RIMBP2: variants seen among roughly 807,000 people sequenced by gnomAD.
The protein encoded by RIMBP2 is RIMS-binding protein 2.
A neutral mutation model predicts 118.6 loss-of-function variants in RIMBP2; 48 were observed. That is an observed-to-expected ratio of 0.40 (90% CI 0.32 to 0.51). The LOEUF (loss-of-function observed/expected upper bound fraction) is 0.51. Ranked by LOEUF, RIMBP2 falls within the 20% of genes least tolerant of loss-of-function variation. RIMBP2 has a pLI of 0.41. For synonymous variants in RIMBP2, 762 were observed against 742.9 expected, an observed-to-expected ratio of 1.03 and a Z score of -0.42; for missense variants, 1,551 against 1,768.3, an observed-to-expected ratio of 0.88 and a Z score of 2.20.
rs187431469 is a variant in RIMBP2 at position 130,434,558 on chromosome 12, G to A, written c.2253+176C>T. Among the ~76,000 whole-genome samples the A allele has an allele frequency of 4.6e-3, 694 of 152,264 alleles. 9 individuals are homozygous for A. The highest frequency in any genetic ancestry group is 0.016 in the African/African-American group (664 of 41,558). ...TTATCCCCAATGAGGGTATGTGACAGGCATTAAATATAAACTTCAGAAACC... is the reference window on the plus strand; with the variant it reads ...TTATCCCCAATGAGGGTATGTGACAAGCATTAAATATAAACTTCAGAAACC... On this transcript the variant is annotated intron_variant, in intron 14 of 22. Coordinates refer to ENST00000690449, the MANE Select transcript of RIMBP2 (RefSeq NM_001393629.1). The surrounding 1 kb of genome is among the most constrained non-coding windows in gnomAD (Gnocchi z 5.7).
intron 1 of RIMBP2, among the ~76,000 whole-genome samples, chr12:130,631,338 A>C (rs1195336779): frequency 1.3e-5 from 2 of 152,236 alleles, no homozygotes; most frequent in Admixed American, 1.3e-4. Context: ...TCACTTAAAT[A>C]AAGTAGCAAT....
At chr12:130,440,577 C>T (rs1264565770) in intron 11 of RIMBP2, among the ~76,000 whole-genome samples, 2 of 152,204 alleles carry the variant, frequency 1.3e-5, no homozygotes, top group Non-Finnish European at 2.9e-5. Context: ...TGACTCCCCA[C>T]GGAGTGCCCG....
chr12:130,461,501 C>T (rs550439846), intron 6 of RIMBP2, among the ~76,000 whole-genome samples: 2 of 152,282 alleles, frequency 1.3e-5, no homozygotes, highest in South Asian at 4.1e-4. Context: ...TTGTCCCCTC[C>T]ACATCTCATG....
chr12:130,594,663 G>A (rs922830015), intron 2 of RIMBP2, among the ~76,000 whole-genome samples: 1 of 152,182 alleles, frequency 6.6e-6, no homozygotes, highest in Non-Finnish European at 1.5e-5. Context: ...ATGGGTAATG[G>A]GTTGGACAAG....
intron 3 of RIMBP2, among the ~76,000 whole-genome samples, chr12:130,512,036 C>G (rs1337334078): frequency 6.6e-6 from 1 of 152,216 alleles, no homozygotes; most frequent in African/African-American, 2.4e-5. Flanking sequence ...GGGGCGTTCT[C>G]TAATTCAGCA....
At chr12:130,693,169 C>T (rs1343110231) in intron 1 of RIMBP2, among the ~76,000 whole-genome samples, 1 of 152,144 alleles carries the variant, frequency 6.6e-6, no homozygotes. Flanking sequence ...ACTCGTCTGT[C>T]TCCCCACCGT....
chr12:130,532,710 TACGTCTA>T (rs2053581092), intron 2 of RIMBP2, among the ~76,000 whole-genome samples: 1 of 114,850 alleles, frequency 8.7e-6, no homozygotes. Context: ...CTCTAGGAGT[TACGTCTA>T]ATGAGATGTG....
At chr12:130,538,577 G>A (rs919732798) in intron 2 of RIMBP2, among the ~76,000 whole-genome samples, 10 of 152,094 alleles carry the variant, frequency 6.6e-5, no homozygotes, top group Non-Finnish European at 1.0e-4. Context: ...CTCCCTCCCC[G>A]TGCCACCCTG....
chr12:130,568,729 CCA>C (rs1218786301), intron 2 of RIMBP2, among the ~76,000 whole-genome samples: 4 of 152,144 alleles, frequency 2.6e-5, no homozygotes, highest in African/African-American at 9.7e-5. Flanking sequence ...GTCCCCAATC[CCA>C]CAGTCATGTT....
intron 4 of RIMBP2, among the ~76,000 whole-genome samples, chr12:130,481,555 C>T (rs2082012768): frequency 6.6e-6 from 1 of 152,206 alleles, no homozygotes; most frequent in Non-Finnish European, 1.5e-5. Context: ...TGCACCCCCA[C>T]AGACATCTGG....
Position 130,428,305 on chromosome 12 carries a change from T to G in RIMBP2, c.2286A>C (p.Thr762=). 1.2e-6 allele frequency: 2 copies of G among 1,612,506 alleles called. No homozygotes were observed. The highest frequency in any genetic ancestry group is 1.7e-6 in the Non-Finnish European group (2 of 1,179,230). ...AGAGGTCAGACCCCCGGCTGCTCTCTGTGTGGTACTCGTCTCCATGGCAAC... is the reference window on the plus strand; with the variant it reads ...AGAGGTCAGACCCCCGGCTGCTCTCGGTGTGGTACTCGTCTCCATGGCAAC... ...PHCCHGDEYH[T]ESSRGSDLSD... is the part of the protein sequence containing the mutation. Residue 762 remains threonine (T), a synonymous_variant, in exon 15 of 23, where the codon ACA becomes ACC. Transcript: ENST00000690449.
In RIMBP2 at chr12:130,492,058, G is replaced by A. The variant is rs112275476; in HGVS notation, c.-3-13042C>T. ...TGCTTGGATGCTGCCTTGCCTGAGC[G>A]AAGAAATTAAGGAAAAACCAATTTC... On this transcript the variant is annotated intron_variant, in intron 4 of 22. Transcript: ENST00000690449. 7.2e-3 allele frequency among the ~76,000 whole-genome samples: 1,092 copies of A among 152,282 alleles called. 6 individuals are homozygous for A. The highest frequency in any genetic ancestry group is 0.013 in the Non-Finnish European group (862 of 68,028).
intron 2 of RIMBP2, among the ~76,000 whole-genome samples, chr12:130,541,496 A>C (rs1208533064): frequency 6.6e-6 from 1 of 152,226 alleles, no homozygotes; most frequent in African/African-American, 2.4e-5. Context: ...TTTAACTGCA[A>C]ATGCTGAAAA....
intron 4 of RIMBP2, among the ~76,000 whole-genome samples, chr12:130,485,691 C>T (rs1166642022): frequency 1.3e-5 from 2 of 152,204 alleles, no homozygotes; most frequent in Admixed American, 1.3e-4. Flanking sequence ...GCCACCTTCC[C>T]TACCAGGACT....
In RIMBP2 at chr12:130,670,514, T is replaced by C. The variant is rs1473315455; in HGVS notation, c.-351-42058A>G. Reference sequence around the variant, plus strand: ...ACTGAGGCACCCTTCCCCCAGGGGTTCCATGGTCAGCTCCTTAGCCGACTT... The same window carrying C: ...ACTGAGGCACCCTTCCCCCAGGGGTCCCATGGTCAGCTCCTTAGCCGACTT... On this transcript the variant is annotated intron_variant, in intron 1 of 22. Transcript: ENST00000690449. This position sits in a 1 kb window ranked among gnomAD's most constrained non-coding sequence, Gnocchi z 4.9. Among the ~76,000 whole-genome samples the C allele has an allele frequency of 6.6e-6, 1 of 152,142 alleles. No homozygotes were observed. The highest frequency in any genetic ancestry group is 1.5e-5 in the Non-Finnish European group (1 of 68,022).
intron 1 of RIMBP2, among the ~76,000 whole-genome samples, chr12:130,647,074 T>C (rs1246301852): frequency 1.3e-5 from 2 of 152,206 alleles, no homozygotes; most frequent in African/African-American, 4.8e-5. Context: ...AAGGAAAATC[T>C]TGGGTTCCTT....
At chr12:130,494,280 C>G (rs1026745553) in intron 4 of RIMBP2, among the ~76,000 whole-genome samples, 1 of 152,158 alleles carries the variant, frequency 6.6e-6, no homozygotes, top group African/African-American at 2.4e-5. Context: ...CCCGCCACCA[C>G]GGTTCTCCCT....
intron 2 of RIMBP2, among the ~76,000 whole-genome samples, chr12:130,538,620 C>A (rs931161152): frequency 5.9e-5 from 9 of 152,144 alleles, no homozygotes; most frequent in African/African-American, 2.2e-4. Flanking sequence ...AGCTCTTGAA[C>A]CTCTGAGCTA....
intron 1 of RIMBP2, among the ~76,000 whole-genome samples, chr12:130,690,562 C>A (rs1341519269): frequency 6.6e-6 from 1 of 152,218 alleles, no homozygotes; most frequent in Non-Finnish European, 1.5e-5. Flanking sequence ...TACTCTGGCC[C>A]ATGCATCCCC....
Sources: allele counts gnomAD v4.1 joint callset (sites outside exome capture counted in the v4.1 genomes callset), GRCh38; gene constraint gnomAD v4.1.1; non-coding constraint Gnocchi (gnomAD v3.1); transcripts MANE v1.5; gene names NCBI Gene and HGNC (gene_info 2026-07-23, HGNC 2026-07-21).